The following SORCS3 variants were observed in gnomAD, a reference collection of about 807,000 sequenced individuals.
SORCS3 encodes sortilin related VPS10 domain containing receptor 3.
A neutral mutation model predicts 146.3 loss-of-function variants in SORCS3; 57 were observed. That is an observed-to-expected ratio of 0.39 (90% CI 0.31 to 0.49). The LOEUF is 0.49. SORCS3 is among the 20% of genes least tolerant of loss of function. The pLI is 0.92. For synonymous variants in SORCS3, 653 were observed against 618.5 expected (o/e 1.06, Z -0.83); for missense variants, 1,341 against 1,575.5 (o/e 0.85, Z 2.52).
intron 7 of SORCS3, among the ~76,000 whole-genome samples, chr10:105,116,340 G>A (rs914206828): frequency 7.9e-5 from 12 of 152,230 alleles, no homozygotes; most frequent in Admixed American, 2.6e-4. Flanking sequence ...CAAGAGACTC[G>A]TTACCTATTC....
chr10:104,913,982 T>C (rs558566142), intron 2 of SORCS3, among the ~76,000 whole-genome samples: 1 of 152,078 alleles, frequency 6.6e-6, no homozygotes, highest in Non-Finnish European at 1.5e-5. Context: ...TTGGCCAGGC[T>C]GGTCTCAAAC....
intron 11 of SORCS3, among the ~76,000 whole-genome samples, chr10:105,160,893 C>T (rs776285234): frequency 3.9e-5 from 6 of 152,130 alleles, no homozygotes; most frequent in Non-Finnish European, 8.8e-5. Flanking sequence ...AGTTTTTAAA[C>T]TCTGAGCTTC....
At chr10:104,868,947 G>T (rs754081648) in intron 2 of SORCS3, among the ~76,000 whole-genome samples, 13 of 152,058 alleles carry the variant, frequency 8.5e-5, no homozygotes, top group Admixed American at 2.6e-4. Context: ...TTCATGCCAT[G>T]GACTATATCA....
intron 20 of SORCS3, among the ~76,000 whole-genome samples, chr10:105,229,576 G>T (rs1298305043): frequency 1.3e-5 from 2 of 152,102 alleles, no homozygotes; most frequent in African/African-American, 2.4e-5. Context: ...TTTGATTCTG[G>T]GTGCATGCAT....
At chr10:104,681,732 C>T (rs1269191650) in intron 1 of SORCS3, among the ~76,000 whole-genome samples, 4 of 152,146 alleles carry the variant, frequency 2.6e-5, no homozygotes, top group Non-Finnish European at 4.4e-5. Context: ...CCTCTCTGTT[C>T]TCCAATACCC....
At chr10:104,672,445 G>T (rs576961575) in intron 1 of SORCS3, among the ~76,000 whole-genome samples, 1 of 151,946 alleles carries the variant, frequency 6.6e-6, no homozygotes, top group Non-Finnish European at 1.5e-5. Flanking sequence ...ATTTTCTCTA[G>T]TGTTTTTCTG....
intron 13 of SORCS3, among the ~76,000 whole-genome samples, chr10:105,169,354 A>G (rs190484946): frequency 6.6e-6 from 1 of 152,092 alleles, no homozygotes; most frequent in Non-Finnish European, 1.5e-5. Flanking sequence ...AAGTGAAAGC[A>G]ATGTCTGCTA....
intron 20 of SORCS3, among the ~76,000 whole-genome samples, chr10:105,233,264 C>T (rs538470554): frequency 3.7e-4 from 57 of 152,020 alleles, no homozygotes; most frequent in Admixed American, 1.8e-3. Flanking sequence ...TCTCTTGCCT[C>T]TTCTCTCACT....
intron 7 of SORCS3, among the ~76,000 whole-genome samples, chr10:105,115,427 A>G (rs988159719): frequency 2.6e-5 from 4 of 152,198 alleles, no homozygotes; most frequent in African/African-American, 9.6e-5. Context: ...GGATTTTTAT[A>G]AGCCGATCAC....
At chr10:104,772,561 C>G (rs767426349) in intron 1 of SORCS3, among the ~76,000 whole-genome samples, 1 of 152,132 alleles carries the variant, frequency 6.6e-6, no homozygotes, top group African/African-American at 2.4e-5. Context: ...GCCGTTTTTC[C>G]TCTTGGATTC....
At chr10:105,091,911 C>T (rs2055713182) in intron 6 of SORCS3, among the ~76,000 whole-genome samples, 1 of 152,154 alleles carries the variant, frequency 6.6e-6, no homozygotes, top group African/African-American at 2.4e-5. Context: ...GTTTTGCCTC[C>T]TAAGTCAACC....
chr10:104,854,107 G>A (rs932913289), intron 2 of SORCS3, among the ~76,000 whole-genome samples: 1 of 152,108 alleles, frequency 6.6e-6, no homozygotes. Flanking sequence ...CGTGAACATT[G>A]TCTCAGCCCT....
At position 105,120,648 on chromosome 10, in the gene SORCS3, T is replaced by A. The variant is rs184651708; in HGVS notation, c.1212+15133T>A. Among the ~76,000 whole-genome samples, 9 of 152,326 alleles carry A rather than the reference T, an allele frequency of 5.9e-5. No individual in the cohort carries two copies. The East Asian group carries it at 1.7e-3, about 29-fold the overall frequency. ...GAGATCTAATGAGGCTCCATGGAAG[T>A]TACAATACCTGTTGCTTGCTAGGTC... On this transcript the variant is annotated intron_variant, in intron 7 of 26. Transcript: ENST00000369701.
At chr10:105,151,863 G>C (rs1379475743) in intron 9 of SORCS3, among the ~76,000 whole-genome samples, 1 of 152,068 alleles carries the variant, frequency 6.6e-6, no homozygotes, top group East Asian at 1.9e-4. Flanking sequence ...TACATAATTA[G>C]GGGAGAAAAT....
At chr10:104,860,873 T>G (rs1036709468) in intron 2 of SORCS3, among the ~76,000 whole-genome samples, 2 of 152,158 alleles carry the variant, frequency 1.3e-5, no homozygotes, top group African/African-American at 4.8e-5. Flanking sequence ...CTCTGCAAGA[T>G]AGTCCCTGAA....
At chr10:104,900,717 C>T (rs943984131) in intron 2 of SORCS3, among the ~76,000 whole-genome samples, 13 of 151,818 alleles carry the variant, frequency 8.6e-5, no homozygotes, top group African/African-American at 2.2e-4. Flanking sequence ...GGTGAAACCC[C>T]GTCTCTACTA....
At chr10:105,035,176 G>A (rs923010259) in intron 4 of SORCS3, among the ~76,000 whole-genome samples, 2 of 152,158 alleles carry the variant, frequency 1.3e-5, no homozygotes, top group Admixed American at 1.3e-4. Flanking sequence ...TTTCTGGAGG[G>A]TCTGCTTTAA....
chr10:105,131,337 G>A (rs1273346521), intron 7 of SORCS3, among the ~76,000 whole-genome samples: 2 of 152,114 alleles, frequency 1.3e-5, no homozygotes, highest in East Asian at 1.9e-4. Flanking sequence ...CCTTAGAGGT[G>A]GTCATTTCTC....
At chr10:105,188,969 A>G (rs1457169163) in intron 14 of SORCS3, among the ~76,000 whole-genome samples, 1 of 152,178 alleles carries the variant, frequency 6.6e-6, no homozygotes, top group Non-Finnish European at 1.5e-5. Context: ...AGCACGTTTA[A>G]CTATTTGCTT....
Sources: gnomAD v4.1 joint callset for allele counts (sites outside exome capture counted in the v4.1 genomes callset) on GRCh38, gnomAD v4.1.1 for gene constraint, MANE v1.5 for transcripts, NCBI Gene and HGNC (gene_info 2026-07-23, HGNC 2026-07-21) for gene names.